KCNIP4: variants seen among roughly 807,000 people sequenced by gnomAD.
KCNIP4 encodes potassium voltage-gated channel interacting protein 4.
A neutral mutation model predicts 34.0 loss-of-function variants in KCNIP4; 12 were observed. The ratio of observed to expected loss-of-function variants is 0.35; its 90% CI spans 0.23 to 0.57. KCNIP4 has a LOEUF of 0.57. Ranked by LOEUF, KCNIP4 falls within the 20% of genes least tolerant of loss-of-function variation. KCNIP4 has a pLI of 0.83. For missense variants in KCNIP4, 238 were observed against 311.7 expected (o/e 0.76, Z 1.78); for synonymous variants, 124 against 102.2 (o/e 1.21, Z -1.29).
At chr4:21,154,774 A>T (rs985686630) in intron 1 of KCNIP4, among the ~76,000 whole-genome samples, 1 of 152,188 alleles carries the variant, frequency 6.6e-6, no homozygotes, top group Non-Finnish European at 1.5e-5. Context: ...GAACTCCTTC[A>T]GCTGAGAGTC....
At chr4:21,304,690 A>G (rs1212117285) in intron 1 of KCNIP4, 3 of 152,230 alleles carry the variant, frequency 2.0e-5, no homozygotes, top group South Asian at 2.1e-4. Flanking sequence ...GAGTCCTTCA[A>G]TATTGACTTT....
At chr4:20,731,227 G>T in intron 8 of KCNIP4, 1 of 198,668 alleles carries the variant, frequency 5.0e-6, no homozygotes, top group Non-Finnish European at 9.0e-6. Flanking sequence ...GTGCCACCGT[G>T]CCCAGCTAAC....
intron 3 of KCNIP4, among the ~76,000 whole-genome samples, chr4:20,832,826 A>G (rs368451815): frequency 1.3e-5 from 2 of 151,762 alleles, no homozygotes; most frequent in African/African-American, 4.8e-5. Context: ...TTTGAATGAC[A>G]GAAGGGATTT....
At chr4:20,966,153 G>A (rs1734324266) in intron 1 of KCNIP4, among the ~76,000 whole-genome samples, 1 of 152,154 alleles carries the variant, frequency 6.6e-6, no homozygotes. Flanking sequence ...TTGGATGTTT[G>A]TTCAGGTGCC....
At chr4:21,259,770 C>T (rs1761328276) in intron 1 of KCNIP4, among the ~76,000 whole-genome samples, 2 of 152,122 alleles carry the variant, frequency 1.3e-5, no homozygotes, top group African/African-American at 4.8e-5. Flanking sequence ...CTTGTCTTGG[C>T]TGTCACCCTG....
intron 1 of KCNIP4, among the ~76,000 whole-genome samples, chr4:21,513,695 T>C (rs912926634): frequency 1.3e-5 from 2 of 152,226 alleles, no homozygotes; most frequent in African/African-American, 4.8e-5. Flanking sequence ...AAATGCTCAA[T>C]ACATTTTTTC....
At chr4:21,735,389 C>A (rs1164043833) in intron 1 of KCNIP4, among the ~76,000 whole-genome samples, 1 of 152,070 alleles carries the variant, frequency 6.6e-6, no homozygotes, top group African/African-American at 2.4e-5. Flanking sequence ...ATACTTAAAA[C>A]TTCATTGCAT....
At chr4:21,902,407 A>T (rs891754772) in intron 1 of KCNIP4, among the ~76,000 whole-genome samples, 1 of 152,144 alleles carries the variant, frequency 6.6e-6, no homozygotes, top group East Asian at 1.9e-4. Flanking sequence ...AAACAAAGTA[A>T]ATAAATCCAT....
At chr4:20,783,622 CA>C (rs1047090301) in intron 3 of KCNIP4, among the ~76,000 whole-genome samples, 2 of 152,134 alleles carry the variant, frequency 1.3e-5, no homozygotes, top group African/African-American at 4.8e-5. Flanking sequence ...GTCGCTCCCA[CA>C]ACACATGGAA....
chr4:21,557,573 G>A (rs1739169545), intron 1 of KCNIP4, among the ~76,000 whole-genome samples: 1 of 152,070 alleles, frequency 6.6e-6, no homozygotes. Flanking sequence ...AGAGAGCAAT[G>A]CGTCATGGGG....
At chr4:20,838,855 T>C (rs1255951723) in intron 3 of KCNIP4, among the ~76,000 whole-genome samples, 1 of 152,238 alleles carries the variant, frequency 6.6e-6, no homozygotes, top group South Asian at 2.1e-4. Flanking sequence ...CTTGAAGTCT[T>C]TAGAAAGACT....
At chr4:21,120,904 C>T (rs1750099710) in intron 1 of KCNIP4, among the ~76,000 whole-genome samples, 1 of 152,152 alleles carries the variant, frequency 6.6e-6, no homozygotes. Context: ...AATACAGTCA[C>T]ATTTTGAGGC....
chr4:21,720,144 G>A (rs1241081718), intron 1 of KCNIP4, among the ~76,000 whole-genome samples: 1 of 151,812 alleles, frequency 6.6e-6, no homozygotes, highest in Non-Finnish European at 1.5e-5. Flanking sequence ...GTGATAAGAG[G>A]GACTTCTTAA....
At chr4:20,940,592 G>C (rs1448875094) in intron 1 of KCNIP4, among the ~76,000 whole-genome samples, 9 of 152,128 alleles carry the variant, frequency 5.9e-5, no homozygotes, top group Admixed American at 2.0e-4. Flanking sequence ...TACATTTCTT[G>C]TGTAGTAATT....
chr4:21,781,168 C>T (rs1330523586), intron 1 of KCNIP4, among the ~76,000 whole-genome samples: 1 of 152,288 alleles, frequency 6.6e-6, no homozygotes, highest in Admixed American at 6.5e-5. Flanking sequence ...TTCCCCCATG[C>T]TGTTCTCATG....
intron 1 of KCNIP4, among the ~76,000 whole-genome samples, chr4:21,581,808 C>T (rs79805272): frequency 0.067 from 10,136 of 151,954 alleles, 392 homozygotes; most frequent in Non-Finnish European, 0.09. Flanking sequence ...TCATGTGATC[C>T]TGTCATTGTC....
intron 1 of KCNIP4, among the ~76,000 whole-genome samples, chr4:20,980,600 C>T (rs1389941525): frequency 1.3e-5 from 2 of 152,112 alleles, no homozygotes; most frequent in Non-Finnish European, 2.9e-5. Context: ...GGCAATACTG[C>T]TTTATCTCAA....
chr4:21,020,528 G>A (rs572813302), intron 1 of KCNIP4, among the ~76,000 whole-genome samples: 8 of 152,116 alleles, frequency 5.3e-5, no homozygotes, highest in East Asian at 1.9e-4. Context: ...ACTTCATGAC[G>A]TACCCACCCT....
intron 1 of KCNIP4, among the ~76,000 whole-genome samples, chr4:21,645,001 CTTATTGAACA>C (rs1273565200): frequency 6.6e-6 from 1 of 152,068 alleles, no homozygotes; most frequent in African/African-American, 2.4e-5. Flanking sequence ...AGAGATAACT[CTTATTGAACA>C]TTACTATTTG....
Sources: gnomAD v4.1 joint callset for allele counts (sites outside exome capture counted in the v4.1 genomes callset) on GRCh38, gnomAD v4.1.1 for gene constraint, MANE v1.5 for transcripts, NCBI Gene and HGNC (gene_info 2026-07-23, HGNC 2026-07-21) for gene names.